Variants in ITPRID1 observed in about 807,000 individuals in gnomAD.
ITPRID1 encodes the protein protein ITPRID1.
Under a neutral mutation model 95.4 loss-of-function variants are expected in ITPRID1, and 96 were observed. The ratio of observed to expected loss-of-function variants is 1.01; its 90% CI spans 0.85 to 1.19. The LOEUF is 1.19. Among genes scored for constraint, ITPRID1 ranks in the 50% most tolerant of loss-of-function variants. The pLI is 0.00. For synonymous variants in ITPRID1, 510 were observed against 453.6 expected (o/e 1.12, Z -1.58); for missense variants, 1,339 against 1,252.9 (o/e 1.07, Z -1.04).
intron 5 of ITPRID1, among the ~76,000 whole-genome samples, chr7:31,561,935 T>C (rs1408534477): frequency 6.6e-6 from 1 of 151,928 alleles, no homozygotes; most frequent in Non-Finnish European, 1.5e-5. Context: ...CAGAGTCTTT[T>C]TGAGGTCAAT....
Position 31,578,150 on chromosome 7 carries a change from G to A in ITPRID1, c.886G>A (p.Glu296Lys), listed in dbSNP as rs750608210. Reference protein sequence around the residue: ...PFTKPWDCGAELAATSINHKQ... With the variant: ...PFTKPWDCGAKLAATSINHKQ... ...TACAAAACCATGGGATTGTGGAGCA[G>A]AGCTAGCAGCAACCTCAATCAACCA... Residue 296 changes from glutamate (E) to lysine (K), a missense_variant, in exon 9 of 15, where the codon GAG (glutamate) becomes AAG (lysine). Physicochemically the swap from Glu to Lys is moderately conservative, Grantham distance 56. Transcript: ENST00000615280. 2 of 1,613,810 alleles carry A rather than the reference G, an allele frequency of 1.2e-6. No individual in the cohort carries two copies. Among genetic ancestry groups the A allele is most frequent in the Non-Finnish European group, 1.7e-6 (2 of 1,179,824 alleles).
intron 1 of ITPRID1, chr7:31,529,952 T>C (rs997442009): frequency 7.4e-6 from 5 of 672,724 alleles, no homozygotes; most frequent in South Asian, 1.9e-5. Flanking sequence ...GAAACTTCTT[T>C]ACCTGCAGCT....
chr7:31,632,656 T>G (rs538579032), intron 10 of ITPRID1, among the ~76,000 whole-genome samples: 1 of 152,204 alleles, frequency 6.6e-6, no homozygotes, highest in East Asian at 1.9e-4. Context: ...CCTTAGGCTG[T>G]GTGTATGGAA....
intron 1 of ITPRID1, among the ~76,000 whole-genome samples, chr7:31,537,886 T>TGTGAC (rs1245428566): frequency 1.3e-5 from 2 of 152,192 alleles, no homozygotes; most frequent in Non-Finnish European, 2.9e-5. Flanking sequence ...ATAGTATACA[T>TGTGAC]ATTTTTCTGT....
intron 10 of ITPRID1, among the ~76,000 whole-genome samples, chr7:31,612,964 T>C (rs1288488179): frequency 2.6e-5 from 4 of 152,200 alleles, no homozygotes; most frequent in African/African-American, 9.7e-5. Context: ...TTACCATTGT[T>C]TTAAACATAC....
intron 9 of ITPRID1, among the ~76,000 whole-genome samples, chr7:31,580,298 C>CA (rs11394739): frequency 0.91 from 115,835 of 126,818 alleles, 53,331 homozygotes; most frequent in East Asian, 0.97. Flanking sequence ...AACTCTGTCT[C>CA]AAAAAAAAAA....
intron 10 of ITPRID1, among the ~76,000 whole-genome samples, chr7:31,623,515 C>T (rs577502488): frequency 2.6e-5 from 4 of 151,940 alleles, no homozygotes; most frequent in Non-Finnish European, 4.4e-5. Context: ...ACACGATTAT[C>T]TCAATAGATG....
intron 10 of ITPRID1, among the ~76,000 whole-genome samples, chr7:31,613,287 T>A (rs1404042696): frequency 6.6e-6 from 1 of 152,156 alleles, no homozygotes; most frequent in African/African-American, 2.4e-5. Context: ...CAACTCTTTT[T>A]TTCTCGTATA....
chr7:31,631,456 T>C (rs1232132136), intron 10 of ITPRID1, among the ~76,000 whole-genome samples: 25 of 152,240 alleles, frequency 1.6e-4, no homozygotes, highest in Non-Finnish European at 2.9e-5. Context: ...GTCATTTTCT[T>C]ACGTGGTTAG....
chr7:31,578,878 G>A (rs770099818), intron 9 of ITPRID1, among the ~76,000 whole-genome samples: 1 of 152,176 alleles, frequency 6.6e-6, no homozygotes, highest in Non-Finnish European at 1.5e-5. Flanking sequence ...GATTGAGTGT[G>A]TGTCAATGCT....
chr7:31,577,311 T>A (rs1321306976), intron 8 of ITPRID1, among the ~76,000 whole-genome samples: 1 of 152,204 alleles, frequency 6.6e-6, no homozygotes, highest in Non-Finnish European at 1.5e-5. Context: ...TCTAGCACTG[T>A]GTAGCTCTTA....
chr7:31,611,570 C>T (rs1786870324), intron 10 of ITPRID1, among the ~76,000 whole-genome samples: 1 of 151,678 alleles, frequency 6.6e-6, no homozygotes, highest in South Asian at 2.1e-4. Context: ...TAAATTGTCT[C>T]TTTATATCCT....
intron 10 of ITPRID1, among the ~76,000 whole-genome samples, chr7:31,629,872 G>A (rs541548019): frequency 2.6e-5 from 4 of 152,254 alleles, no homozygotes; most frequent in African/African-American, 4.8e-5. Context: ...GTACACCAGC[G>A]TACTGAATTA....
chr7:31,583,045 T>C (rs1348371698), intron 9 of ITPRID1, 89 bp from the exon 10 acceptor site: 1 of 868,908 alleles, frequency 1.2e-6, no homozygotes, highest in African/African-American at 1.7e-5. Flanking sequence ...ATCCCTCTTA[T>C]CAGTTGCCAG....
chr7:31,550,029 A>G (rs2128135622), intron 2 of ITPRID1, among the ~76,000 whole-genome samples: 2 of 152,296 alleles, frequency 1.3e-5, no homozygotes, highest in Middle Eastern at 6.8e-3. Flanking sequence ...TCAAGTTAAG[A>G]AAATGTGAAG....
chr7:31,523,322 T>C (rs1242055682), intron 1 of ITPRID1, among the ~76,000 whole-genome samples: 1 of 152,174 alleles, frequency 6.6e-6, no homozygotes, highest in Non-Finnish European at 1.5e-5. Context: ...TAGGAAGAAA[T>C]GGATATAAAT....
chr7:31,602,241 T>C (rs1200695300), intron 10 of ITPRID1, among the ~76,000 whole-genome samples: 4 of 152,212 alleles, frequency 2.6e-5, no homozygotes, highest in African/African-American at 9.7e-5. Context: ...CCTTATTTAA[T>C]TAAATTCATC....
Position 31,643,336 on chromosome 7 carries a change from C to T in ITPRID1, c.1966C>T (p.Leu656Phe). The T allele has an allele frequency of 1.9e-6, 3 of 1,613,988 alleles. No individual in the cohort carries two copies. The highest frequency in any genetic ancestry group is 2.5e-6 in the Non-Finnish European group (3 of 1,179,884). Reference protein sequence around the residue: ...HSEITPYATDLAQTSEKLIPH... With the variant: ...HSEITPYATDFAQTSEKLIPH... Reference sequence around the variant, plus strand: ...TGAAATCACACCTTATGCAACTGACCTTGCTCAAACATCTGAAAAGCTCAT... The same window carrying T: ...TGAAATCACACCTTATGCAACTGACTTTGCTCAAACATCTGAAAAGCTCAT... The change falls in exon 12 of 15, where the codon CTT (leucine) becomes TTT (phenylalanine). Residue 656 changes from leucine to phenylalanine, a missense_variant. Transcript: ENST00000615280.
At chr7:31,622,253 A>T (rs1787982596) in intron 10 of ITPRID1, among the ~76,000 whole-genome samples, 1 of 149,388 alleles carries the variant, frequency 6.7e-6, no homozygotes, top group African/African-American at 2.5e-5. Flanking sequence ...CACCAAGCGG[A>T]CCTAATAGGC....
Sources: gnomAD v4.1 joint callset for allele counts (sites outside exome capture counted in the v4.1 genomes callset) on GRCh38, gnomAD v4.1.1 for gene constraint, MANE v1.5 for transcripts, NCBI Gene and HGNC (gene_info 2026-07-23, HGNC 2026-07-21) for gene names.